The following ADAMTSL3 variants were observed in gnomAD, a reference collection of about 807,000 sequenced individuals.
The protein encoded by ADAMTSL3 is ADAMTS like 3.
A neutral mutation model predicts 201.7 loss-of-function variants in ADAMTSL3; 128 were observed. That is an observed-to-expected ratio of 0.63 (90% confidence interval 0.55 to 0.73). The LOEUF (loss-of-function observed/expected upper bound fraction) is 0.73, where lower values mean the gene tolerates loss of function less well. Ranked by LOEUF, ADAMTSL3 falls within the 30% of genes least tolerant of loss-of-function variation. The pLI, the probability that ADAMTSL3 is intolerant of heterozygous loss-of-function variation, is 0.00. For missense variants in ADAMTSL3, 1,990 were observed against 2,119.6 expected (o/e 0.94, Z 1.20); for synonymous variants, 738 against 748.4 (o/e 0.99, Z 0.23).
chr15:83,826,630 A>G (rs1015903343), intron 6 of ADAMTSL3, among the ~76,000 whole-genome samples: 7 of 151,066 alleles, frequency 4.6e-5, no homozygotes, highest in Admixed American at 3.3e-4. Flanking sequence ...CATTTACATT[A>G]GGTATATCTC....
At position 83,838,304 on chromosome 15, in the gene ADAMTSL3, C is replaced by G. The variant is rs370844616; in HGVS notation, c.727+89C>G. 248 of 1,480,516 alleles carry G rather than the reference C, an allele frequency of 1.7e-4. No homozygotes were observed. In the African/African-American group the frequency reaches 2.9e-3, roughly 17 times the overall value. 91.7% of individuals were successfully genotyped at this position (1,480,516 alleles called of 1,614,324 possible). ...AGAATAACATTTTCTGAATGTTAAG[C>G]TTTTTTAGTTGGAAGTAGCTTTTGT... On this transcript the variant is annotated intron_variant, in intron 7 of 29. Transcript: ENST00000286744.
intron 19 of ADAMTSL3, among the ~76,000 whole-genome samples, chr15:83,948,830 A>G (rs1054908815): frequency 6.6e-6 from 1 of 152,062 alleles, no homozygotes; most frequent in African/African-American, 2.4e-5. Flanking sequence ...TTTATTATGA[A>G]TCACTAGGCA....
intron 8 of ADAMTSL3, among the ~76,000 whole-genome samples, chr15:83,869,838 C>T (rs568403830): frequency 2.6e-5 from 4 of 152,064 alleles, no homozygotes; most frequent in Admixed American, 6.6e-5. Flanking sequence ...GCTCTGACTC[C>T]TCATTTTAGG....
chr15:83,852,133 G>A (rs1026171048), intron 7 of ADAMTSL3, among the ~76,000 whole-genome samples: 3 of 151,842 alleles, frequency 2.0e-5, no homozygotes, highest in African/African-American at 7.3e-5. Context: ...TTGTTTTTGA[G>A]ATGGAGTCTT....
At chr15:83,954,179 A>G (rs12900391) in intron 19 of ADAMTSL3, among the ~76,000 whole-genome samples, 72,181 of 151,956 alleles carry the variant, frequency 0.48, 17,350 homozygotes, top group Middle Eastern at 0.58. Flanking sequence ...TTGCCCCTTC[A>G]GGGTTATTTT....
intron 19 of ADAMTSL3, among the ~76,000 whole-genome samples, chr15:83,948,661 A>G (rs975530230): frequency 6.6e-6 from 1 of 152,128 alleles, no homozygotes; most frequent in Non-Finnish European, 1.5e-5. Flanking sequence ...TCATTATCCT[A>G]CAGATTTAAT....
Position 83,970,508 on chromosome 15 carries a change from A to C in ADAMTSL3, c.2515A>C (p.Ile839Leu). ...SKCSVSCGVGIQRRKQVCQRL... is the reference protein window; with the variant it reads ...SKCSVSCGVGLQRRKQVCQRL... The stretch of plus-strand genomic sequence containing the variant: ...GTGTTCTGTCAGTTGTGGTGTTGGA[A>C]TCCAGAGAAGAAAGCAGGTGTGTCA... The change falls in exon 20 of 30, where the codon ATC becomes CTC. Residue 839 changes from isoleucine to leucine, a missense_variant. Physicochemically the swap from Ile to Leu is conservative, Grantham distance 5. Transcript: ENST00000286744. 6.2e-7 allele frequency: 1 copy of C among 1,614,208 alleles called. No homozygotes were observed. Among genetic ancestry groups the C allele is most frequent in the South Asian group, 1.1e-5 (1 of 91,082 alleles).
chr15:83,937,190 C>T (rs1199315956), intron 17 of ADAMTSL3, among the ~76,000 whole-genome samples: 2 of 150,864 alleles, frequency 1.3e-5, no homozygotes, highest in East Asian at 1.9e-4. Flanking sequence ...AATCATTCTA[C>T]CATAAAGACA....
intron 5 of ADAMTSL3, among the ~76,000 whole-genome samples, chr15:83,815,225 T>C (rs1281595192): frequency 6.6e-6 from 1 of 152,234 alleles, no homozygotes. Context: ...AATCTATTCT[T>C]ATTAACTTCA....
intron 23 of ADAMTSL3, among the ~76,000 whole-genome samples, chr15:83,999,135 A>G (rs1199862440): frequency 6.6e-6 from 1 of 152,232 alleles, no homozygotes; most frequent in Non-Finnish European, 1.5e-5. Flanking sequence ...CTATTTTGTT[A>G]TATTCCTGTA....
intron 19 of ADAMTSL3, among the ~76,000 whole-genome samples, chr15:83,948,351 A>G (rs909177078): frequency 2.0e-5 from 3 of 151,658 alleles, no homozygotes; most frequent in Non-Finnish European, 2.9e-5. Context: ...CATCATGGCT[A>G]TTTCCTCCAA....
intron 15 of ADAMTSL3, among the ~76,000 whole-genome samples, chr15:83,903,480 T>G (rs559586225): frequency 7.2e-5 from 11 of 152,174 alleles, no homozygotes; most frequent in African/African-American, 2.6e-4. Flanking sequence ...TCTGTCTCTC[T>G]TTCATTCACC....
chr15:83,786,973 A>T (rs1205445387), intron 4 of ADAMTSL3, among the ~76,000 whole-genome samples: 1 of 152,180 alleles, frequency 6.6e-6, no homozygotes, highest in Non-Finnish European at 1.5e-5. Flanking sequence ...GAGGACCCAA[A>T]TAGCATTTAT....
intron 7 of ADAMTSL3, among the ~76,000 whole-genome samples, chr15:83,857,803 A>G (rs2064771353): frequency 1.3e-5 from 2 of 152,234 alleles, no homozygotes; most frequent in Non-Finnish European, 2.9e-5. Flanking sequence ...TGGAGAGTTT[A>G]TCCAAAAAAA....
chr15:83,870,285 T>C (rs989634932), intron 8 of ADAMTSL3, among the ~76,000 whole-genome samples: 1 of 152,204 alleles, frequency 6.6e-6, no homozygotes, highest in African/African-American at 2.4e-5. Context: ...ACTATACTTT[T>C]GTAACATGTA....
intron 2 of ADAMTSL3, among the ~76,000 whole-genome samples, chr15:83,676,802 G>A (rs1281757388): frequency 6.6e-6 from 1 of 152,168 alleles, no homozygotes; most frequent in African/African-American, 2.4e-5. Flanking sequence ...AGGCCAAAAG[G>A]CGCTTGTTTG....
chr15:83,826,669 C>T (rs1596280779), intron 6 of ADAMTSL3, among the ~76,000 whole-genome samples: 1 of 125,998 alleles, frequency 7.9e-6, no homozygotes. Flanking sequence ...CCTCCCCCCA[C>T]CCCACAACAG....
chr15:83,966,222 C>A (rs2067081739), intron 19 of ADAMTSL3, among the ~76,000 whole-genome samples: 1 of 152,062 alleles, frequency 6.6e-6, no homozygotes, highest in African/African-American at 2.4e-5. Flanking sequence ...AAAAACTCTT[C>A]AAAAATATCA....
chr15:83,677,535 A>G (rs1596011310), intron 2 of ADAMTSL3, among the ~76,000 whole-genome samples: 1 of 149,064 alleles, frequency 6.7e-6, no homozygotes, highest in Admixed American at 6.6e-5. Context: ...ATTTTTCTTT[A>G]CTCTGAGGTT....
Sources: gnomAD v4.1 joint callset for allele counts (sites outside exome capture counted in the v4.1 genomes callset) on GRCh38, gnomAD v4.1.1 for gene constraint, MANE v1.5 for transcripts, NCBI Gene and HGNC (gene_info 2026-07-23, HGNC 2026-07-21) for gene names.